Variants in UBE2E2 observed in about 807,000 individuals in gnomAD.
The protein encoded by UBE2E2 is ubiquitin conjugating enzyme E2 E2, also known as ubiquitin-conjugating enzyme E2 E2.
A neutral mutation model predicts 24.7 loss-of-function variants in UBE2E2; 6 were observed. The observed-to-expected ratio is 0.24, with a 90% CI of 0.13 to 0.48. The LOEUF is 0.48. UBE2E2 is among the 20% of genes least tolerant of loss of function. The pLI, the probability that UBE2E2 is intolerant of heterozygous loss-of-function variation, is 0.99. For missense variants in UBE2E2, 169 were observed against 245.0 expected (o/e 0.69, Z 2.07); for synonymous variants, 104 against 83.6 (o/e 1.24, Z -1.33).
chr3:23,356,113 T>G (rs1278422729), intron 3 of UBE2E2, among the ~76,000 whole-genome samples: 1 of 152,158 alleles, frequency 6.6e-6, no homozygotes, highest in Non-Finnish European at 1.5e-5. Context: ...GATGCTCAGT[T>G]AAACCTAAAC....
chr3:23,578,338 A>G (rs1163004304), intron 5 of UBE2E2, among the ~76,000 whole-genome samples: 2 of 152,248 alleles, frequency 1.3e-5, no homozygotes, highest in African/African-American at 4.8e-5. Flanking sequence ...GGATGGGAGT[A>G]TAAATTAGTT....
intron 4 of UBE2E2, among the ~76,000 whole-genome samples, chr3:23,524,990 C>T (rs1343970972): frequency 6.6e-6 from 1 of 152,056 alleles, no homozygotes; most frequent in Admixed American, 6.6e-5. Context: ...TTCCGTGGGT[C>T]AGAAGACTCA....
At chr3:23,586,997 C>T (rs902284392) in intron 5 of UBE2E2, among the ~76,000 whole-genome samples, 1 of 151,514 alleles carries the variant, frequency 6.6e-6, no homozygotes, top group Non-Finnish European at 1.5e-5. Flanking sequence ...GATTTATACA[C>T]GAGATGGTCT....
At chr3:23,271,087 G>A (rs1456698482) in intron 3 of UBE2E2, 1 of 453,098 alleles carries the variant, frequency 2.2e-6, no homozygotes, top group African/African-American at 2.0e-5. Flanking sequence ...TAAGATGATA[G>A]CAGTAATGAA....
chr3:23,349,291 C>A (rs183467861), intron 3 of UBE2E2, among the ~76,000 whole-genome samples: 42 of 152,320 alleles, frequency 2.8e-4, no homozygotes, highest in African/African-American at 9.4e-4. Context: ...GTCTACAGCT[C>A]CCAGCGTGAG....
Position 23,468,506 on chromosome 3 carries a change from T to A in UBE2E2, c.228-31102T>A, listed in dbSNP as rs537684004. On this transcript the variant is annotated intron_variant, in intron 3 of 5. Coordinates refer to ENST00000396703, the MANE Select transcript of UBE2E2 (RefSeq NM_152653.4). ...AACATTCTGATACATTTAGTTTAGG[T>A]ATAGTTATACTATATCGAGTACAAT... is the stretch of plus-strand genomic sequence containing the variant. Among the ~76,000 whole-genome samples, 68 of 152,342 alleles carry A rather than the reference T, an allele frequency of 4.5e-4. 1 individual carries two copies. The highest frequency in any genetic ancestry group is 1.6e-3 in the African/African-American group (66 of 41,580).
At chr3:23,332,992 C>CA (rs1695106156) in intron 3 of UBE2E2, among the ~76,000 whole-genome samples, 1 of 152,140 alleles carries the variant, frequency 6.6e-6, no homozygotes. Context: ...TATTTTGAAG[C>CA]AGAGATTTGT....
chr3:23,344,758 G>C (rs1695500493), intron 3 of UBE2E2, among the ~76,000 whole-genome samples: 1 of 151,352 alleles, frequency 6.6e-6, no homozygotes, highest in Admixed American at 6.6e-5. Flanking sequence ...TGTAGTCCTA[G>C]CTGCTTGGAA....
chr3:23,314,592 T>C (rs1396250641), intron 3 of UBE2E2, among the ~76,000 whole-genome samples: 2 of 152,258 alleles, frequency 1.3e-5, no homozygotes, highest in East Asian at 3.8e-4. Context: ...TAATACCCTT[T>C]TCTTTCAGAT....
chr3:23,344,589 T>C (rs867895852), intron 3 of UBE2E2, among the ~76,000 whole-genome samples: 55 of 151,956 alleles, frequency 3.6e-4, no homozygotes, highest in African/African-American at 1.3e-3. Context: ...TATTAAGAAT[T>C]AAAGTACTGA....
chr3:23,428,140 C>T (rs1023244513), intron 3 of UBE2E2, among the ~76,000 whole-genome samples: 1 of 152,200 alleles, frequency 6.6e-6, no homozygotes, highest in African/African-American at 2.4e-5. Context: ...TCACATGAAA[C>T]ATTCACCAAG....
rs1366395601 is a variant in UBE2E2, at chr3:23,329,292, G to T, written c.227+111980G>T. ...TCTGTCAGAATGGACATCAGGAAAT[G>T]TCCACTGAGTGAACATTCAATAAAT... On this transcript the variant is annotated intron_variant, in intron 3 of 5. Coordinates refer to ENST00000396703, the MANE Select transcript of UBE2E2 (RefSeq NM_152653.4). Among the ~76,000 whole-genome samples the T allele has an allele frequency of 3.9e-5, 6 of 152,158 alleles. No homozygotes were observed. In the South Asian group the frequency reaches 6.2e-4, roughly 16 times the overall value.
intron 3 of UBE2E2, among the ~76,000 whole-genome samples, chr3:23,404,153 CATAT>C (rs1697299002): frequency 6.6e-6 from 1 of 152,100 alleles, no homozygotes; most frequent in Non-Finnish European, 1.5e-5. Flanking sequence ...CACACACACA[CATAT>C]GTACACATTC....
intron 3 of UBE2E2, among the ~76,000 whole-genome samples, chr3:23,313,556 T>C (rs767879980): frequency 1.2e-4 from 19 of 152,050 alleles, no homozygotes; most frequent in Non-Finnish European, 2.5e-4. Flanking sequence ...GGCTAATTTT[T>C]GTGTTTTTAG....
chr3:23,388,951 A>AAGATC (rs1400827146), intron 3 of UBE2E2, among the ~76,000 whole-genome samples: 1 of 151,338 alleles, frequency 6.6e-6, no homozygotes, highest in Non-Finnish European at 1.5e-5. Context: ...GCAGTGAGCC[A>AAGATC]AGATCGTGCC....
chr3:23,422,364 GC>G (rs1037029691), intron 3 of UBE2E2, among the ~76,000 whole-genome samples: 1 of 152,164 alleles, frequency 6.6e-6, no homozygotes, highest in African/African-American at 2.4e-5. Context: ...GGAGCAGAAT[GC>G]CCCATCTGAA....
At chr3:23,298,778 G>A (rs1457264083) in intron 3 of UBE2E2, among the ~76,000 whole-genome samples, 2 of 151,978 alleles carry the variant, frequency 1.3e-5, no homozygotes. Context: ...GCCAGGCTTT[G>A]GTATCAGGAT....
chr3:23,572,231 A>C (rs1235686140), intron 5 of UBE2E2, among the ~76,000 whole-genome samples: 2 of 152,110 alleles, frequency 1.3e-5, no homozygotes, highest in African/African-American at 4.8e-5. Context: ...GAGGATACTT[A>C]ATCTTTCTGG....
intron 3 of UBE2E2, among the ~76,000 whole-genome samples, chr3:23,456,766 T>C (rs903600554): frequency 1.3e-5 from 2 of 152,188 alleles, no homozygotes; most frequent in African/African-American, 4.8e-5. Context: ...GCCCTAGGAT[T>C]TTTGGATTAG....
Sources: allele counts gnomAD v4.1 joint callset (sites outside exome capture counted in the v4.1 genomes callset), GRCh38; gene constraint gnomAD v4.1.1; transcripts MANE v1.5; gene names NCBI Gene and HGNC (gene_info 2026-07-23, HGNC 2026-07-21).